Variants in INO80 observed in about 807,000 individuals in gnomAD.
The protein encoded by INO80 is INO80 complex ATPase subunit.
Under a neutral mutation model 203.4 loss-of-function variants are expected in INO80, and 20 were observed. That is an observed-to-expected ratio of 0.10 (90% confidence interval 0.07 to 0.14). The LOEUF is 0.14. Among genes scored for constraint, INO80 ranks in the 10% least tolerant of loss-of-function variants. The pLI is 1.00. For synonymous variants in INO80, 726 were observed against 685.2 expected, an observed-to-expected ratio of 1.06 and a Z score of -0.93; for missense variants, 1,419 against 1,914.4, an observed-to-expected ratio of 0.74 and a Z score of 4.83.
At position 41,079,904 on chromosome 15, in the gene INO80, G is replaced by C; in HGVS notation, c.928C>G (p.Leu310Val). 6.2e-7 allele frequency: 1 copy of C among 1,613,752 alleles called. No individual in the cohort carries two copies. Among genetic ancestry groups the C allele is most frequent in the East Asian group, 2.2e-5 (1 of 44,882 alleles). ...ACCTCCTTCATGCACTGGTGAGCAAGCTGAAAACAACAACAGCATTACAGC... is the reference window on the plus strand; with the variant it reads ...ACCTCCTTCATGCACTGGTGAGCAACCTGAAAACAACAACAGCATTACAGC... Reference protein sequence around the residue: ...RNLFLTNSRKLAHQCMKEVRR... With the variant: ...RNLFLTNSRKVAHQCMKEVRR... Residue 310 changes from leucine to valine, a missense_variant and splice_region_variant, in exon 9 of 36, where the codon CTT (leucine) becomes GTT (valine). By Grantham distance (32) the Leu-to-Val change is conservative. Around this residue, in one of 9 missense-constraint regions of INO80, gnomAD observed 87 missense variants for 150.5 expected, o/e 0.58. Coordinates refer to ENST00000648947, the MANE Select transcript of INO80 (RefSeq NM_017553.3).
chr15:40,986,584 A>G (rs375058562), intron 31 of INO80, among the ~76,000 whole-genome samples: 128 of 151,970 alleles, frequency 8.4e-4, no homozygotes, highest in African/African-American at 3.0e-3. Context: ...TCGGCCTCCC[A>G]AAGTGCTGGG....
intron 26 of INO80, among the ~76,000 whole-genome samples, chr15:41,019,082 A>T (rs1439512015): frequency 6.6e-6 from 1 of 152,222 alleles, no homozygotes; most frequent in Non-Finnish European, 1.5e-5. Flanking sequence ...CTATGGCAGT[A>T]AAATTAGGGC....
intron 1 of INO80, among the ~76,000 whole-genome samples, chr15:41,097,059 C>G (rs2045736251): frequency 6.6e-6 from 1 of 152,204 alleles, no homozygotes; most frequent in Admixed American, 6.5e-5. Flanking sequence ...ATCACACAAT[C>G]AGTATAACAA....
intron 28 of INO80, among the ~76,000 whole-genome samples, chr15:40,997,994 A>G (rs985130744): frequency 6.7e-6 from 1 of 150,030 alleles, no homozygotes; most frequent in African/African-American, 2.5e-5. Context: ...TCTGGGGACT[A>G]ATGTTATTAT....
intron 1 of INO80, among the ~76,000 whole-genome samples, chr15:41,107,912 C>T (rs892984195): frequency 2.6e-5 from 4 of 151,178 alleles, no homozygotes; most frequent in African/African-American, 9.7e-5. Context: ...CCAGCCTGAC[C>T]AACACAGTGA....
intron 5 of INO80, among the ~76,000 whole-genome samples, chr15:41,090,327 G>A (rs1223371199): frequency 6.6e-6 from 1 of 152,204 alleles, no homozygotes; most frequent in Non-Finnish European, 1.5e-5. Flanking sequence ...TGTAATCCCA[G>A]CACTTTGGTA....
At chr15:41,015,436 G>C (rs1490659355) in intron 27 of INO80, among the ~76,000 whole-genome samples, 1 of 152,128 alleles carries the variant, frequency 6.6e-6, no homozygotes, top group East Asian at 1.9e-4. Flanking sequence ...TTTTTACGCA[G>C]AGAACTAATC....
intron 9 of INO80, among the ~76,000 whole-genome samples, chr15:41,079,013 G>A (rs2045444994): frequency 6.6e-6 from 1 of 152,118 alleles, no homozygotes; most frequent in Non-Finnish European, 1.5e-5. Flanking sequence ...ATGGTGGTGG[G>A]TGCCTATAGT....
At chr15:40,980,565 C>G (rs1893789700) in intron 35 of INO80, 125 bp from the exon 36 acceptor site, 1 of 668,604 alleles carries the variant, frequency 1.5e-6, no homozygotes, top group Non-Finnish European at 2.7e-6. Flanking sequence ...CCCTGCCACT[C>G]CTTGCTAACA....
At chr15:41,028,156 G>A (rs2044404966) in intron 24 of INO80, among the ~76,000 whole-genome samples, 1 of 150,392 alleles carries the variant, frequency 6.6e-6, no homozygotes, top group Non-Finnish European at 1.5e-5. Context: ...TTTTTTTTGA[G>A]ACACAGTCTT....
At chr15:41,012,938 C>T (rs563472840) in intron 27 of INO80, 1 of 152,294 alleles carries the variant, frequency 6.6e-6, no homozygotes, top group South Asian at 2.1e-4. Context: ...TTAAAAAATA[C>T]TGTGCAAATA....
chr15:41,056,692 A>G lies in INO80; in HGVS notation c.2000T>C (p.Ile667Thr). 1.9e-6 allele frequency: 3 copies of G among 1,613,858 alleles called. No homozygotes were observed. Among genetic ancestry groups the G allele is most frequent in the Non-Finnish European group, 1.7e-6 (2 of 1,179,768 alleles). ...LKSSSSVRWK[I>T]LLQFQCRNRL... ...ATTCCGACACTGGAACTGTAAGAGGATCTTCCAACGAACACTGTTTGATAA... is the reference window on the plus strand; with the variant it reads ...ATTCCGACACTGGAACTGTAAGAGGGTCTTCCAACGAACACTGTTTGATAA... Residue 667 changes from isoleucine (I) to threonine (T), a missense_variant, in exon 17 of 36, where the codon ATC (isoleucine) becomes ACC (threonine). Ile to Thr is a moderately conservative substitution (Grantham distance 89). This residue lies in a region of INO80 where 192 missense variants were observed against 406.7 expected (regional missense o/e 0.47). Coordinates refer to ENST00000648947, the MANE Select transcript of INO80 (RefSeq NM_017553.3).
At chr15:41,083,276 CAA>C (rs1250245997) in intron 7 of INO80, among the ~76,000 whole-genome samples, 17 of 66,968 alleles carry the variant, frequency 2.5e-4, no homozygotes, top group Admixed American at 5.3e-4. Context: ...GACTCCGTCT[CAA>C]AAAAAAAAAA....
At chr15:41,057,883 T>A (rs181469584) in intron 16 of INO80, among the ~76,000 whole-genome samples, 1 of 149,164 alleles carries the variant, frequency 6.7e-6, no homozygotes, top group Non-Finnish European at 1.5e-5. Flanking sequence ...CCAGTTAACA[T>A]GGACCTCTAA....
chr15:41,016,311 C>T, intron 26 of INO80, 96 bp from the exon 27 acceptor site: 1 of 1,197,852 alleles, frequency 8.3e-7, no homozygotes, highest in African/African-American at 1.5e-5. Context: ...TCACTAAAAC[C>T]AAGATGCTTG....
intron 24 of INO80, among the ~76,000 whole-genome samples, chr15:41,036,844 G>A (rs1328629247): frequency 6.6e-6 from 1 of 152,144 alleles, no homozygotes; most frequent in East Asian, 1.9e-4. Flanking sequence ...AACTTTGGGA[G>A]GCCGAGGCAG....
chr15:41,089,682 G>C (rs975930529), intron 5 of INO80, among the ~76,000 whole-genome samples: 3 of 151,920 alleles, frequency 2.0e-5, no homozygotes, highest in African/African-American at 7.3e-5. Context: ...GGCGGAGGTG[G>C]CAGTGAGCCG....
At position 41,079,211 on chromosome 15, in the gene INO80, T is replaced by C. The variant is rs937973606; in HGVS notation, c.1131+490A>G. 1.5e-3 allele frequency among the ~76,000 whole-genome samples: 234 copies of C among 152,198 alleles called. 1 individual carries two copies. Among genetic ancestry groups the C allele is most frequent in the African/African-American group, 5.3e-3 (221 of 41,548 alleles). On this transcript the variant is annotated intron_variant, in intron 9 of 35. Transcript: ENST00000648947. ...AGAAAACTGGGCTCATTGTCCACTG[T>C]CCCTATCTGGCCCTGAATTTGGCAT...
Position 41,060,298 on chromosome 15 carries a change from T to G in INO80, c.1783-372A>C, listed in dbSNP as rs182144489. 2.7e-3 allele frequency among the ~76,000 whole-genome samples: 408 copies of G among 152,198 alleles called. 3 individuals carry two copies. The highest frequency in any genetic ancestry group is 0.013 in the South Asian group (62 of 4,818). On this transcript the variant is annotated intron_variant, in intron 14 of 35. Transcript: ENST00000648947. Reference sequence around the variant, plus strand: ...ACTGAGGACACTTTTTCTTAAGAGATGTAAGATAGGCTGGGCATGGTAGCT... The same window carrying G: ...ACTGAGGACACTTTTTCTTAAGAGAGGTAAGATAGGCTGGGCATGGTAGCT...
Sources: gnomAD v4.1 joint callset for allele counts (sites outside exome capture counted in the v4.1 genomes callset) on GRCh38, gnomAD v4.1.1 for gene constraint, gnomAD v4.1.1 regional missense constraint, MANE v1.5 for transcripts, NCBI Gene and HGNC (gene_info 2026-07-23, HGNC 2026-07-21) for gene names.